The following TP73 variants were observed in gnomAD, a reference collection of about 807,000 sequenced individuals.
TP73 encodes the protein tumor protein p73, also known as p53-like transcription factor.
In TP73, 25 loss-of-function variants were observed where a neutral mutation model predicts 62.5. That is an observed-to-expected ratio of 0.40 (90% CI 0.29 to 0.56). The LOEUF is 0.56. Among genes scored for constraint, TP73 ranks in the 20% least tolerant of loss-of-function variants. The pLI, the probability that TP73 is intolerant of heterozygous loss-of-function variation, is 0.46. For missense variants in TP73, 754 were observed against 913.3 expected, an observed-to-expected ratio of 0.83 and a Z score of 2.25; for synonymous variants, 423 against 377.5, an observed-to-expected ratio of 1.12 and a Z score of -1.40.
At chr1:3,731,198 G>A (rs1206814411) in intron 12 of TP73, 133 bp downstream of exon 12, 2 of 1,302,896 alleles carry the variant, frequency 1.5e-6, no homozygotes, top group South Asian at 2.8e-5. Flanking sequence ...CAGGCGGGCG[G>A]GGGCAGTCAG....
At chr1:3,695,824 C>T (rs975973746) in intron 3 of TP73, among the ~76,000 whole-genome samples, 3 of 152,186 alleles carry the variant, frequency 2.0e-5, no homozygotes, top group African/African-American at 7.2e-5. Flanking sequence ...GGCCAGGAGC[C>T]GCCTGCAGGC....
rs1453838680 is a variant in TP73 at position 3,663,693 on chromosome 1, C to T, written c.-34+11052C>T. ...ATCGTGCAACAATGCGAGACTCCAT[C>T]TCAAAAAAAAAAAAAAAGAAAGAAA... On this transcript the variant is annotated intron_variant, in intron 1 of 13. Coordinates refer to ENST00000378295, the MANE Select transcript of TP73 (RefSeq NM_005427.4). This position sits in a 1 kb window ranked among gnomAD's most constrained non-coding sequence, Gnocchi z 4.7. 9.3e-6 allele frequency among the ~76,000 whole-genome samples: 1 copy of T among 107,128 alleles called. No individual in the cohort carries two copies. The highest frequency in any genetic ancestry group is 2.0e-5 in the Non-Finnish European group (1 of 49,304). 70.3% of individuals were successfully genotyped at this position (107,128 alleles called of 152,430 possible).
chr1:3,666,146 AAAAAAG>A lies in TP73; in HGVS notation c.-34+13507_-34+13512del, dbSNP rs1349291825. The stretch of plus-strand genomic sequence containing the variant: ...TCTCAAAAAAAAAAAAAAAAAAAAA[AAAAAAG>A]AGAGAGAGAGAGAGAGAATCTCACT... On this transcript the variant is annotated intron_variant, in intron 1 of 13. Transcript: ENST00000378295. The surrounding 1 kb of genome is among the most constrained non-coding windows in gnomAD (Gnocchi z 6.4). Among the ~76,000 whole-genome samples, 2 of 149,386 alleles carry A rather than the reference AAAAAAG, an allele frequency of 1.3e-5. No homozygotes were observed. Among genetic ancestry groups the A allele is most frequent in the Non-Finnish European group, 3.0e-5 (2 of 67,242 alleles).
chr1:3,727,284 G>A, intron 7 of TP73, 60 bp downstream of exon 7: 1 of 1,489,564 alleles, frequency 6.7e-7, no homozygotes, highest in Non-Finnish European at 9.3e-7. Context: ...GGCCGGGGGA[G>A]AAGGGGAGCT....
chr1:3,708,988 C>A lies in TP73; in HGVS notation c.429+1197C>A, dbSNP rs559854462. 2.4e-3 allele frequency among the ~76,000 whole-genome samples: 361 copies of A among 152,344 alleles called. 1 individual carries two copies. The highest frequency in any genetic ancestry group is 8.0e-3 in the African/African-American group (334 of 41,588). Reference sequence around the variant, plus strand: ...GAGCAAGGGGCCCCTCAGGTTTTTCCGCTTTAAGAATCGGGTCCCACTGCC... The same window carrying A: ...GAGCAAGGGGCCCCTCAGGTTTTTCAGCTTTAAGAATCGGGTCCCACTGCC... On this transcript the variant is annotated intron_variant, in intron 4 of 13. Transcript: ENST00000378295.
At chr1:3,697,400 G>A (rs1448643634) in intron 3 of TP73, among the ~76,000 whole-genome samples, 1 of 152,198 alleles carries the variant, frequency 6.6e-6, no homozygotes, top group Admixed American at 6.5e-5. Flanking sequence ...CTGCCCTGCT[G>A]GTCCCCAGCC....
intron 3 of TP73, among the ~76,000 whole-genome samples, chr1:3,689,805 C>G (rs1001027649): frequency 2.0e-5 from 3 of 152,298 alleles, no homozygotes; most frequent in Admixed American, 2.0e-4. Context: ...GCCCTGGGGA[C>G]TGGAAGTGTG....
chr1:3,678,531 G>A (rs867686983), intron 1 of TP73, among the ~76,000 whole-genome samples: 1 of 152,270 alleles, frequency 6.6e-6, no homozygotes, highest in African/African-American at 2.4e-5. Context: ...CAGCGTTGGC[G>A]TTTTCCCAGG....
chr1:3,676,187 G>A (rs1228846489), intron 1 of TP73, among the ~76,000 whole-genome samples: 5 of 149,788 alleles, frequency 3.3e-5, no homozygotes, highest in Non-Finnish European at 7.4e-5. Context: ...ACAGAAACAG[G>A]AGCTAGGACG....
chr1:3,706,291 T>C (rs1639619254), intron 3 of TP73, among the ~76,000 whole-genome samples: 1 of 152,006 alleles, frequency 6.6e-6, no homozygotes, highest in South Asian at 2.1e-4. Flanking sequence ...TTTCCTCATC[T>C]GTAAAATGGG....
chr1:3,729,277 C>T, intron 9 of TP73, 50 bp from the exon 10 acceptor site: 1 of 1,610,402 alleles, frequency 6.2e-7, no homozygotes. Flanking sequence ...CCACCCCCCT[C>T]CCGTGGGGGT....
intron 1 of TP73, among the ~76,000 whole-genome samples, chr1:3,660,864 T>C (rs551178531): frequency 6.6e-6 from 1 of 152,344 alleles, no homozygotes; most frequent in Admixed American, 6.5e-5. Flanking sequence ...GATGACATCA[T>C]TACAATGTAA....
intron 4 of TP73, among the ~76,000 whole-genome samples, chr1:3,711,826 G>A (rs1326616853): frequency 2.7e-5 from 4 of 147,044 alleles, no homozygotes; most frequent in African/African-American, 7.4e-5. Flanking sequence ...CTCAGCGTGT[G>A]TGTGTGCGCG....
At chr1:3,680,712 C>T (rs963515391) in intron 1 of TP73, among the ~76,000 whole-genome samples, 4 of 152,222 alleles carry the variant, frequency 2.6e-5, no homozygotes, top group African/African-American at 9.7e-5. Flanking sequence ...CTGTGCCAGC[C>T]TCAGCTGGAC....
At chr1:3,717,419 G>A (rs1335989462) in intron 4 of TP73, among the ~76,000 whole-genome samples, 2 of 152,236 alleles carry the variant, frequency 1.3e-5, no homozygotes, top group African/African-American at 2.4e-5. Flanking sequence ...CAAGCAGGAC[G>A]GTGCACGCAC....
At position 3,682,423 on chromosome 1, in the gene TP73, A is replaced by G; in HGVS notation, c.58A>G (p.Ser20Gly). ...GGGCACCACGTTTGAGCACCTCTGG[A>G]GCTCTCTGTGAGTGCGCTTGGCTGG... The part of the protein sequence containing the change: ...DGGTTFEHLW[S>G]SLEPDSTYFD... The change falls in exon 2 of 14, where the codon AGC becomes GGC. Residue 20 changes from serine (S) to glycine (G), a missense_variant. Ser to Gly is a moderately conservative substitution (Grantham distance 56, BLOSUM62 0). Coordinates refer to ENST00000378295, the MANE Select transcript of TP73 (RefSeq NM_005427.4). 1 of 1,545,442 alleles carries G rather than the reference A, an allele frequency of 6.5e-7. No individual in the cohort carries two copies. Among genetic ancestry groups the G allele is most frequent in the Non-Finnish European group, 8.8e-7 (1 of 1,139,118 alleles).
Position 3,707,559 on chromosome 1 carries a change from A to T in TP73, c.197A>T (p.Asn66Ile). 1.2e-6 allele frequency: 2 copies of T among 1,607,788 alleles called. No homozygotes were observed. The highest frequency in any genetic ancestry group is 8.5e-7 in the Non-Finnish European group (1 of 1,175,904). ...CCTTTCCCGCGCCAGGCCCAGTTCA[A>T]TCTGCTGAGCAGCACCATGGACCAG... ...GMTTSVMAQFNLLSSTMDQMS... is the reference protein window; with the variant it reads ...GMTTSVMAQFILLSSTMDQMS... Residue 66 changes from asparagine to isoleucine, a missense_variant, in exon 4 of 14, where the codon AAT (asparagine) becomes ATT (isoleucine). Transcript: ENST00000378295.
intron 13 of TP73, among the ~76,000 whole-genome samples, chr1:3,732,524 G>C (rs777815963): frequency 1.3e-5 from 2 of 150,202 alleles, no homozygotes; most frequent in Admixed American, 6.6e-5. Flanking sequence ...GGGCCAGGTA[G>C]ATGCTCAGGG....
chr1:3,729,756 G>A (rs969532160), intron 10 of TP73: 38 of 744,258 alleles, frequency 5.1e-5, no homozygotes, highest in African/African-American at 2.6e-4. Flanking sequence ...ACCAGAGTCC[G>A]ATTCCAGTGG....
Sources: gnomAD v4.1 joint callset for allele counts (sites outside exome capture counted in the v4.1 genomes callset) on GRCh38, gnomAD v4.1.1 for gene constraint, Gnocchi (gnomAD v3.1) non-coding constraint, MANE v1.5 for transcripts, NCBI Gene and HGNC (gene_info 2026-07-23, HGNC 2026-07-21) for gene names.